FBN1: variants seen among roughly 807,000 people sequenced by gnomAD.
FBN1 encodes fibrillin 1.
FBN1 carries 29 observed loss-of-function variants against 365.1 expected under a neutral mutation model. That is an observed-to-expected ratio of 0.08 (90% confidence interval 0.06 to 0.11). The LOEUF is 0.11. FBN1 is among the 10% of genes least tolerant of loss of function. The pLI is 1.00. For synonymous variants in FBN1, 1,210 were observed against 1,270.5 expected (o/e 0.95, Z 1.01); for missense variants, 2,476 against 3,703.2 (o/e 0.67, Z 8.60).
intron 2 of FBN1, among the ~76,000 whole-genome samples, chr15:48,616,471 G>GA (rs201880014): frequency 9.2e-5 from 14 of 151,438 alleles, no homozygotes; most frequent in South Asian, 4.2e-4. Context: ...CTTATACACA[G>GA]AAAAAAAACA....
At chr15:48,422,943 C>CAAAAACA (rs911313744) in intron 60 of FBN1, among the ~76,000 whole-genome samples, 2 of 151,154 alleles carry the variant, frequency 1.3e-5, no homozygotes. Context: ...AAAACAAAAA[C>CAAAAACA]AAAAACAAAA....
At chr15:48,595,574 T>C (rs554840405) in intron 6 of FBN1, among the ~76,000 whole-genome samples, 1 of 152,330 alleles carries the variant, frequency 6.6e-6, no homozygotes, top group South Asian at 2.1e-4. Context: ...GCAAATCAGG[T>C]AGAATGTTTC....
rs747504951 is a variant in FBN1, at chr15:48,520,646, G to T, written c.1147+13C>A. ...GGATGGGATATTCTGCAGATAACTG[G>T]AAGGGCTCTTACCGGTTGCTCTGAT... is the stretch of plus-strand genomic sequence containing the variant. On this transcript the variant is annotated intron_variant, in intron 10 of 65. Transcript: ENST00000316623. 1.9e-6 allele frequency: 3 copies of T among 1,613,684 alleles called. No individual in the cohort carries two copies. The highest frequency in any genetic ancestry group is 2.5e-6 in the Non-Finnish European group (3 of 1,179,812).
chr15:48,583,755 T>C (rs939242519), intron 6 of FBN1, among the ~76,000 whole-genome samples: 1 of 152,246 alleles, frequency 6.6e-6, no homozygotes, highest in Non-Finnish European at 1.5e-5. Context: ...TTACATTTTA[T>C]GGAAATAGTT....
At chr15:48,565,869 T>C (rs1197780029) in intron 6 of FBN1, among the ~76,000 whole-genome samples, 1 of 152,174 alleles carries the variant, frequency 6.6e-6, no homozygotes, top group African/African-American at 2.4e-5. Flanking sequence ...TTAAATTGAA[T>C]TGAATAATGG....
At chr15:48,565,311 TA>T (rs138837272) in intron 6 of FBN1, among the ~76,000 whole-genome samples, 2,507 of 152,278 alleles carry the variant, frequency 0.016, 57 homozygotes, top group African/African-American at 0.058. Flanking sequence ...TGGTCTTTTC[TA>T]ATTCAAAAAA....
intron 4 of FBN1, among the ~76,000 whole-genome samples, chr15:48,608,733 C>T (rs2044632650): frequency 6.6e-6 from 1 of 152,136 alleles, no homozygotes; most frequent in Admixed American, 6.5e-5. Flanking sequence ...AAAGCACCAC[C>T]CACAGTCTTG....
In FBN1 at chr15:48,470,556, T is replaced by C. The variant is rs546559170; in HGVS notation, c.4459+78A>G. 3.8e-6 allele frequency: 6 copies of C among 1,592,410 alleles called. No homozygotes were observed. The South Asian group carries it at 6.6e-5, about 18-fold the overall frequency. On this transcript the variant is annotated intron_variant, in intron 36 of 65. Transcript: ENST00000316623. ...TTCTTGTCTTCTGTGACGGCCCTTG[T>C]GTAGTCCCAGGGAGGCTCCAATAGC...
At chr15:48,453,375 T>C (rs1419129565) in intron 44 of FBN1, among the ~76,000 whole-genome samples, 1 of 150,494 alleles carries the variant, frequency 6.6e-6, no homozygotes, top group East Asian at 1.9e-4. Flanking sequence ...TGTATATTAC[T>C]AAGCGAATCA....
chr15:48,628,418 C>G (rs1282960863), intron 2 of FBN1, among the ~76,000 whole-genome samples: 1 of 152,124 alleles, frequency 6.6e-6, no homozygotes, highest in African/African-American at 2.4e-5. Flanking sequence ...AGTCCAAAAT[C>G]TTACCAACTT....
chr15:48,574,891 C>T (rs989839770), intron 6 of FBN1, among the ~76,000 whole-genome samples: 1 of 152,154 alleles, frequency 6.6e-6, no homozygotes, highest in East Asian at 1.9e-4. Context: ...TTTAAAAGAA[C>T]AAATATTGAT....
At chr15:48,584,363 A>T (rs540104054) in intron 6 of FBN1, among the ~76,000 whole-genome samples, 2 of 152,322 alleles carry the variant, frequency 1.3e-5, no homozygotes, top group African/African-American at 4.8e-5. Flanking sequence ...ATGGCTAGGC[A>T]ATTAGAAAAA....
In FBN1 at chr15:48,420,600, C is replaced by T; in HGVS notation, c.7819+87G>A. On this transcript the variant is annotated intron_variant, in intron 63 of 65. Coordinates refer to ENST00000316623, the MANE Select transcript of FBN1 (RefSeq NM_000138.5). ...AAATGAGTATTTGTTGCTTCAATAA[C>T]ACATTTACAGCTTCAGAAAGCAAGC... The T allele has an allele frequency of 2.6e-6, 4 of 1,553,230 alleles. No homozygotes were observed. The South Asian group carries it at 3.3e-5, about 13-fold the overall frequency.
At chr15:48,574,472 C>A (rs1270928549) in intron 6 of FBN1, among the ~76,000 whole-genome samples, 1 of 151,898 alleles carries the variant, frequency 6.6e-6, no homozygotes, top group East Asian at 1.9e-4. Context: ...CCTGGTGGCT[C>A]TGGCAAAGGA....
intron 36 of FBN1, 132 bp downstream of exon 36, chr15:48,470,502 C>T: frequency 8.1e-7 from 1 of 1,229,076 alleles, no homozygotes; most frequent in Non-Finnish European, 1.2e-6. Flanking sequence ...GAAAAGGTAT[C>T]TGTGATTCTT....
intron 7 of FBN1, among the ~76,000 whole-genome samples, chr15:48,535,194 C>T (rs936379250): frequency 2.6e-5 from 4 of 152,294 alleles, no homozygotes; most frequent in East Asian, 1.9e-4. Context: ...AACAGCAACA[C>T]CTGGCTGCTG....
intron 6 of FBN1, among the ~76,000 whole-genome samples, chr15:48,587,153 C>G (rs2044443114): frequency 6.6e-6 from 1 of 152,172 alleles, no homozygotes; most frequent in Non-Finnish European, 1.5e-5. Context: ...GACCATGAAG[C>G]CCCATGTATT....
intron 33 of FBN1, 34 bp from the exon 34 acceptor site, chr15:48,474,411 A>G (rs755735518): frequency 1.7e-5 from 28 of 1,613,748 alleles, no homozygotes; most frequent in Non-Finnish European, 2.3e-5. Context: ...TATTAACAGA[A>G]AGGGTGGTAT....
chr15:48,419,595 C>T (rs2042924942), intron 63 of FBN1, among the ~76,000 whole-genome samples: 1 of 152,168 alleles, frequency 6.6e-6, no homozygotes, highest in African/African-American at 2.4e-5. Context: ...TCCTATAGCA[C>T]AGGGGTCACT....
Sources: allele counts gnomAD v4.1 joint callset (sites outside exome capture counted in the v4.1 genomes callset), GRCh38; gene constraint gnomAD v4.1.1; transcripts MANE v1.5; gene names NCBI Gene and HGNC (gene_info 2026-07-23, HGNC 2026-07-21).